Variants in EXOC4 observed in about 807,000 individuals in gnomAD.
EXOC4 encodes exocyst complex component 4.
EXOC4 carries 71 observed loss-of-function variants against 107.2 expected under a neutral mutation model. The observed-to-expected ratio is 0.66, with a 90% CI of 0.55 to 0.81. The LOEUF (loss-of-function observed/expected upper bound fraction) is 0.81. Among genes scored for constraint, EXOC4 ranks in the 30% least tolerant of loss-of-function variants. The pLI is 0.00. For synonymous variants in EXOC4, 456 were observed against 441.2 expected, an observed-to-expected ratio of 1.03 and a Z score of -0.42; for missense variants, 1,108 against 1,189.6, an observed-to-expected ratio of 0.93 and a Z score of 1.01.
chr7:133,437,337 T>C (rs1797999703), intron 7 of EXOC4, among the ~76,000 whole-genome samples: 1 of 152,198 alleles, frequency 6.6e-6, no homozygotes, highest in African/African-American at 2.4e-5. Flanking sequence ...GACTGTAAGC[T>C]CCCTGTGGTA....
At position 134,029,173 on chromosome 7, in the gene EXOC4, T is replaced by G. The variant is rs1359911887; in HGVS notation, c.2687+21338T>G. 5.3e-5 allele frequency among the ~76,000 whole-genome samples: 8 copies of G among 152,374 alleles called. No homozygotes were observed. In the South Asian group the frequency reaches 1.7e-3, roughly 32 times the overall value. ...AAAACATTCTAATGTCTTCATTGTC[T>G]GTTTACATTATGCCTCCTCCTCACT... On this transcript the variant is annotated intron_variant, in intron 17 of 17. Coordinates refer to ENST00000253861, the MANE Select transcript of EXOC4 (RefSeq NM_021807.4).
At chr7:133,583,592 T>G (rs1801329029) in intron 9 of EXOC4, among the ~76,000 whole-genome samples, 1 of 152,162 alleles carries the variant, frequency 6.6e-6, no homozygotes, top group Non-Finnish European at 1.5e-5. Flanking sequence ...TTATCATATA[T>G]GAAGCTTCTA....
At chr7:133,818,869 G>A (rs1797438534) in intron 11 of EXOC4, among the ~76,000 whole-genome samples, 1 of 152,040 alleles carries the variant, frequency 6.6e-6, no homozygotes, top group African/African-American at 2.4e-5. Flanking sequence ...CAATACTGAG[G>A]CCAAACCCTA....
intron 7 of EXOC4, among the ~76,000 whole-genome samples, chr7:133,428,532 C>G (rs1337268499): frequency 1.3e-5 from 2 of 152,210 alleles, no homozygotes; most frequent in Non-Finnish European, 2.9e-5. Context: ...CTGTTCTGTT[C>G]TGCTCTATTC....
the EXOC4 span, among the ~76,000 whole-genome samples, chr7:134,080,839 G>C: frequency 6.6e-6 from 1 of 152,006 alleles, no homozygotes; most frequent in African/African-American, 2.4e-5. Context: ...TCAGCTACTT[G>C]GGAAGCTGAG....
chr7:134,028,721 T>C (rs1795201789), intron 17 of EXOC4, among the ~76,000 whole-genome samples: 2 of 152,236 alleles, frequency 1.3e-5, no homozygotes, highest in Non-Finnish European at 2.9e-5. Context: ...CAGGTTCTTC[T>C]ACTGAGCCCC....
chr7:134,005,189 G>GTTGT (rs1283339527), intron 16 of EXOC4, 99 bp downstream of exon 16: 2 of 1,272,366 alleles, frequency 1.6e-6, no homozygotes, highest in Non-Finnish European at 1.1e-6. Flanking sequence ...GTAGAAAAGA[G>GTTGT]TTGTTTGCTT....
chr7:133,802,960 GA>G (rs552055238), intron 10 of EXOC4, among the ~76,000 whole-genome samples: 4 of 147,682 alleles, frequency 2.7e-5, no homozygotes, highest in African/African-American at 1.0e-4. Flanking sequence ...GGAAATGACA[GA>G]AAAAAAAACA....
rs1037692943 is a variant in EXOC4, at chr7:133,579,137, C to T, written c.1418-50908C>T. On this transcript the variant is annotated intron_variant, in intron 9 of 17. Coordinates refer to ENST00000253861, the MANE Select transcript of EXOC4 (RefSeq NM_021807.4). ...AAAGCAATAAATGACTATGAATATT[C>T]ATGGTCAATTAAAATATTAATGGTA... Among the ~76,000 whole-genome samples, 7 of 152,086 alleles carry T rather than the reference C, an allele frequency of 4.6e-5. No homozygotes were observed. The East Asian group carries it at 9.6e-4, about 21-fold the overall frequency.
At chr7:133,558,454 C>T (rs1027433223) in intron 9 of EXOC4, among the ~76,000 whole-genome samples, 2 of 151,848 alleles carry the variant, frequency 1.3e-5, no homozygotes, top group Admixed American at 1.3e-4. Flanking sequence ...TAATTAAATG[C>T]ACAAATAATA....
chr7:133,337,822 G>C lies in EXOC4; in HGVS notation c.764-18508G>C, dbSNP rs910783602. On this transcript the variant is annotated intron_variant, in intron 5 of 17. Coordinates refer to ENST00000253861, the MANE Select transcript of EXOC4 (RefSeq NM_021807.4). ...AATTTTTGCATTTTTTATAGAAACA[G>C]GGTCTCCTTATATTTCCTAGGCTGG... Among the ~76,000 whole-genome samples, 7 of 151,620 alleles carry C rather than the reference G, an allele frequency of 4.6e-5. 1 individual carries two copies. The South Asian group carries it at 1.2e-3, about 27-fold the overall frequency.
chr7:133,888,527 A>C (rs1465014850), intron 11 of EXOC4, among the ~76,000 whole-genome samples: 2 of 152,242 alleles, frequency 1.3e-5, no homozygotes. Flanking sequence ...GTCTTTTCTT[A>C]ATAAAAAATT....
intron 9 of EXOC4, among the ~76,000 whole-genome samples, chr7:133,620,653 A>G (rs910592902): frequency 1.3e-5 from 2 of 152,204 alleles, no homozygotes; most frequent in African/African-American, 4.8e-5. Context: ...GATTCCTGCT[A>G]CACCACTGAT....
At chr7:133,528,025 AT>A in intron 9 of EXOC4, among the ~76,000 whole-genome samples, 1 of 152,328 alleles carries the variant, frequency 6.6e-6, no homozygotes, top group Non-Finnish European at 1.5e-5. Context: ...CAGATTTCTG[AT>A]TCATTAGGTC....
At chr7:133,697,652 G>A (rs1281064809) in intron 10 of EXOC4, among the ~76,000 whole-genome samples, 1 of 152,172 alleles carries the variant, frequency 6.6e-6, no homozygotes, top group Admixed American at 6.5e-5. Context: ...CGCAGTGTGG[G>A]AGAGAGATTG....
chr7:133,503,923 C>T (rs1475794405), intron 9 of EXOC4, among the ~76,000 whole-genome samples: 1 of 151,826 alleles, frequency 6.6e-6, no homozygotes, highest in African/African-American at 2.4e-5. Context: ...ACCAAGTTTT[C>T]ATTAGGTTTA....
chr7:133,343,874 T>C (rs1584833476), intron 5 of EXOC4, among the ~76,000 whole-genome samples: 2 of 151,862 alleles, frequency 1.3e-5, no homozygotes. Context: ...AGAGCAGTGG[T>C]GCAATCATAC....
intron 2 of EXOC4, among the ~76,000 whole-genome samples, chr7:133,278,727 C>T (rs907586139): frequency 1.3e-5 from 2 of 151,910 alleles, no homozygotes; most frequent in African/African-American, 4.8e-5. Context: ...TCTTGTAGGT[C>T]ACTGGAAAGA....
chr7:133,868,074 A>T (rs1798679000), intron 11 of EXOC4, among the ~76,000 whole-genome samples: 1 of 152,244 alleles, frequency 6.6e-6, no homozygotes, highest in South Asian at 2.1e-4. Context: ...TAATAGTTTT[A>T]TATGGAGTTT....
Sources: allele counts gnomAD v4.1 joint callset (sites outside exome capture counted in the v4.1 genomes callset), GRCh38; gene constraint gnomAD v4.1.1; transcripts MANE v1.5; gene names NCBI Gene and HGNC (gene_info 2026-07-23, HGNC 2026-07-21).